ATRNL1: variants seen among roughly 807,000 people sequenced by gnomAD.
The protein encoded by ATRNL1 is attractin like 1.
A neutral mutation model predicts 182.7 loss-of-function variants in ATRNL1; 95 were observed. That is an observed-to-expected ratio of 0.52 (90% CI 0.44 to 0.62). ATRNL1 has a LOEUF of 0.62. ATRNL1 is among the 20% of genes least tolerant of loss of function. ATRNL1 has a pLI of 0.00. For missense variants in ATRNL1, 1,471 were observed against 1,679.5 expected (o/e 0.88, Z 2.17); for synonymous variants, 576 against 568.3 (o/e 1.01, Z -0.19).
At chr10:115,857,471 A>T (rs1176681038) in intron 28 of ATRNL1, among the ~76,000 whole-genome samples, 1 of 152,214 alleles carries the variant, frequency 6.6e-6, no homozygotes, top group Non-Finnish European at 1.5e-5. Flanking sequence ...TTACATCAAA[A>T]TGCTCTTTAT....
At chr10:115,523,020 G>A (rs541122295) in intron 25 of ATRNL1, among the ~76,000 whole-genome samples, 4 of 152,260 alleles carry the variant, frequency 2.6e-5, no homozygotes, top group African/African-American at 9.6e-5. Context: ...TTTCTGCTCA[G>A]CATTGCCTCA....
intron 26 of ATRNL1, among the ~76,000 whole-genome samples, chr10:115,695,795 T>C (rs1181787825): frequency 6.6e-6 from 1 of 152,204 alleles, no homozygotes; most frequent in African/African-American, 2.4e-5. Context: ...AATGCATTGG[T>C]TTGCTAAGGA....
In ATRNL1 at chr10:115,187,684, T is replaced by C. The variant is rs535672797; in HGVS notation, c.1348+16392T>C. On this transcript the variant is annotated intron_variant, in intron 8 of 28. Transcript: ENST00000355044. ...GAGGGTGCTTGGTTTTTTTTTTTTTTTTTTTTCTTTTTTCTTTTTTTTTTT... is the reference window on the plus strand; with the variant it reads ...GAGGGTGCTTGGTTTTTTTTTTTTTCTTTTTTCTTTTTTCTTTTTTTTTTT... Among the ~76,000 whole-genome samples the C allele has an allele frequency of 1.7e-3, 248 of 149,192 alleles. 1 individual carries two copies. Among genetic ancestry groups the C allele is most frequent in the Middle Eastern group, 3.5e-3 (1 of 284 alleles).
intron 5 of ATRNL1, among the ~76,000 whole-genome samples, chr10:115,154,233 G>T (rs550201792): frequency 2.0e-5 from 3 of 151,812 alleles, no homozygotes; most frequent in South Asian, 4.2e-4. Context: ...GGTCCGCTTG[G>T]TGCAGAGCTG....
At chr10:115,147,925 G>T (rs1846043484) in intron 5 of ATRNL1, among the ~76,000 whole-genome samples, 1 of 151,960 alleles carries the variant, frequency 6.6e-6, no homozygotes, top group African/African-American at 2.4e-5. Flanking sequence ...TTTTGCTTAG[G>T]ATTTCTTTGG....
chr10:115,783,597 G>A (rs1949322067), intron 27 of ATRNL1, among the ~76,000 whole-genome samples: 2 of 152,136 alleles, frequency 1.3e-5, no homozygotes, highest in Admixed American at 1.3e-4. Flanking sequence ...GATAACCTTT[G>A]AGTTTTCACA....
At chr10:115,769,690 C>G (rs1029286781) in intron 27 of ATRNL1, among the ~76,000 whole-genome samples, 4 of 152,028 alleles carry the variant, frequency 2.6e-5, no homozygotes, top group African/African-American at 9.7e-5. Context: ...TGGCTGATTT[C>G]GGCCAAATTA....
At chr10:115,527,594 T>C (rs1554986889) in intron 25 of ATRNL1, among the ~76,000 whole-genome samples, 1 of 152,214 alleles carries the variant, frequency 6.6e-6, no homozygotes, top group African/African-American at 2.4e-5. Context: ...CAGTAATATT[T>C]GTGTCTATGG....
chr10:115,837,586 G>T (rs1308727751), intron 27 of ATRNL1, among the ~76,000 whole-genome samples: 2 of 151,386 alleles, frequency 1.3e-5, no homozygotes, highest in Non-Finnish European at 2.9e-5. Context: ...TTTTCTGTTT[G>T]CTGTATAAGC....
At chr10:115,314,751 A>G (rs1234031683) in intron 17 of ATRNL1, among the ~76,000 whole-genome samples, 2 of 152,210 alleles carry the variant, frequency 1.3e-5, no homozygotes, top group Admixed American at 6.5e-5. Flanking sequence ...TCTTTGGCAA[A>G]CTTCACCATA....
chr10:115,327,246 A>C (rs1421799956), intron 18 of ATRNL1, among the ~76,000 whole-genome samples: 1 of 151,062 alleles, frequency 6.6e-6, no homozygotes, highest in African/African-American at 2.4e-5. Flanking sequence ...AAGAAAAAAA[A>C]CAAACAACCC....
At chr10:115,529,929 C>A (rs1398723764) in intron 25 of ATRNL1, among the ~76,000 whole-genome samples, 13 of 152,102 alleles carry the variant, frequency 8.5e-5, no homozygotes, top group African/African-American at 3.1e-4. Context: ...CACTAATCTA[C>A]TTTCTGTCCA....
rs573837383 is a variant in ATRNL1, at chr10:115,779,180, G to T, written c.3903+51825G>T. Among the ~76,000 whole-genome samples the T allele has an allele frequency of 7.9e-5, 12 of 152,322 alleles. No homozygotes were observed. The South Asian group carries it at 2.5e-3, about 32-fold the overall frequency. On this transcript the variant is annotated intron_variant, in intron 27 of 28. Coordinates refer to ENST00000355044, the MANE Select transcript of ATRNL1 (RefSeq NM_207303.4). ...AGAAATTCAAGCTTAGCACCTGGGA[G>T]TTTGATGGTGCTTCTAATAGAAATG...
At position 115,811,425 on chromosome 10, in the gene ATRNL1, T is replaced by C. The variant is rs190260462; in HGVS notation, c.3904-36452T>C. ...GGTGAAGGATTCATTTAGATTTGAA[T>C]TGAAGGTGTATTCTGCTCTTGTATG... On this transcript the variant is annotated intron_variant, in intron 27 of 28. Coordinates refer to ENST00000355044, the MANE Select transcript of ATRNL1 (RefSeq NM_207303.4). Among the ~76,000 whole-genome samples the C allele has an allele frequency of 3.1e-3, 477 of 152,132 alleles. 4 individuals are homozygous for C. The highest frequency in any genetic ancestry group is 0.011 in the African/African-American group (453 of 41,576).
At chr10:115,262,169 A>T (rs1242973110) in intron 10 of ATRNL1, among the ~76,000 whole-genome samples, 3 of 148,596 alleles carry the variant, frequency 2.0e-5, no homozygotes, top group African/African-American at 7.7e-5. Flanking sequence ...GATAGGGGGC[A>T]GTGGATTTTT....
At chr10:115,739,676 C>A (rs1948081144) in intron 27 of ATRNL1, among the ~76,000 whole-genome samples, 1 of 152,152 alleles carries the variant, frequency 6.6e-6, no homozygotes, top group African/African-American at 2.4e-5. Context: ...CTAATTAATA[C>A]AACTTTCTCA....
chr10:115,890,058 T>C (rs1555110740), intron 28 of ATRNL1, among the ~76,000 whole-genome samples: 2 of 152,214 alleles, frequency 1.3e-5, no homozygotes, highest in African/African-American at 4.8e-5. Context: ...TACTCATATA[T>C]GTTTGCACAG....
At chr10:115,095,345 A>G (rs2084983827) in intron 1 of ATRNL1, among the ~76,000 whole-genome samples, 1 of 148,360 alleles carries the variant, frequency 6.7e-6, no homozygotes, top group Non-Finnish European at 1.5e-5. Context: ...GGAATTTTAA[A>G]CACAGCATAC....
chr10:115,807,812 G>A (rs1239536387), intron 27 of ATRNL1, among the ~76,000 whole-genome samples: 1 of 152,168 alleles, frequency 6.6e-6, no homozygotes, highest in African/African-American at 2.4e-5. Context: ...GCATGTAAAT[G>A]CTGCCTAGTC....
Sources: gnomAD v4.1 joint callset for allele counts (sites outside exome capture counted in the v4.1 genomes callset) on GRCh38, gnomAD v4.1.1 for gene constraint, MANE v1.5 for transcripts, NCBI Gene and HGNC (gene_info 2026-07-23, HGNC 2026-07-21) for gene names.